Variants in GLI2 observed in about 807,000 individuals in gnomAD.
The protein encoded by GLI2 is transcription activator GLI2.
GLI2 carries 22 observed loss-of-function variants against 78.9 expected under a neutral mutation model. The observed-to-expected ratio is 0.28, with a 90% CI of 0.20 to 0.40. The LOEUF (loss-of-function observed/expected upper bound fraction) is 0.40. Ranked by LOEUF, GLI2 falls within the 10% of genes least tolerant of loss-of-function variation. The probability of loss-of-function intolerance (pLI) is 1.00; values close to 1 mark genes in which losing one functional copy is unlikely to be tolerated. For missense variants in GLI2, 2,097 were observed against 2,213.2 expected, an observed-to-expected ratio of 0.95 and a Z score of 1.05; for synonymous variants, 974 against 963.7, an observed-to-expected ratio of 1.01 and a Z score of -0.20.
intron 1 of GLI2, among the ~76,000 whole-genome samples, chr2:120,751,153 G>A (rs1170685045): frequency 2.0e-5 from 3 of 152,232 alleles, no homozygotes; most frequent in Non-Finnish European, 4.4e-5. Flanking sequence ...AGGACAGCTG[G>A]AAAGGGCCCC....
intron 3 of GLI2, among the ~76,000 whole-genome samples, chr2:120,942,224 T>A (rs1369041730): frequency 6.6e-6 from 1 of 152,076 alleles, no homozygotes; most frequent in Non-Finnish European, 1.5e-5. Flanking sequence ...CTTCAAACAA[T>A]AGAAATATGT....
At chr2:120,834,981 G>A (rs575421827) in intron 2 of GLI2, among the ~76,000 whole-genome samples, 2 of 152,250 alleles carry the variant, frequency 1.3e-5, no homozygotes, top group Admixed American at 6.5e-5. Context: ...GTTTGTGTGC[G>A]ACATTTGGGT....
At chr2:120,821,439 T>C (rs1353212623) in intron 2 of GLI2, among the ~76,000 whole-genome samples, 1 of 151,982 alleles carries the variant, frequency 6.6e-6, no homozygotes, top group Non-Finnish European at 1.5e-5. Flanking sequence ...CAGAGAAGGG[T>C]AGCTCAGCAT....
At chr2:120,938,341 T>C (rs1680293356) in intron 3 of GLI2, among the ~76,000 whole-genome samples, 1 of 152,204 alleles carries the variant, frequency 6.6e-6, no homozygotes, top group South Asian at 2.1e-4. Flanking sequence ...CCCCTTATCT[T>C]TTATGCTTTT....
At chr2:120,857,076 G>T (rs1352061527) in intron 2 of GLI2, among the ~76,000 whole-genome samples, 1 of 152,154 alleles carries the variant, frequency 6.6e-6, no homozygotes, top group South Asian at 2.1e-4. Context: ...AAAGACCAGG[G>T]GAAGGCTTAG....
At chr2:120,747,877 C>T (rs1275098714) in intron 1 of GLI2, among the ~76,000 whole-genome samples, 2 of 152,326 alleles carry the variant, frequency 1.3e-5, no homozygotes, top group East Asian at 1.9e-4. Flanking sequence ...CTTTTCTGTG[C>T]CTTGAATTTG....
intron 2 of GLI2, among the ~76,000 whole-genome samples, chr2:120,877,263 C>A (rs116390869): frequency 0.02 from 2,983 of 152,248 alleles, 97 homozygotes; most frequent in African/African-American, 0.067. Flanking sequence ...ATGCACAGAC[C>A]CTGGGTCACT....
In GLI2 at chr2:120,800,481, T is replaced by TATTATG. The variant is rs1431833332; in HGVS notation, c.148+3018_148+3019insGATTAT. On this transcript the variant is annotated intron_variant, in intron 2 of 13. Transcript: ENST00000361492. The surrounding 1 kb of genome is among the most constrained non-coding windows in gnomAD (Gnocchi z 4.1). The stretch of plus-strand genomic sequence containing the variant: ...CTGGCGGAAAGGGATGATTTATTAT[T>TATTATG]ATTATTATTATTTTATTTTTTATTT... 6.6e-6 allele frequency among the ~76,000 whole-genome samples: 1 copy of TATTATG among 150,858 alleles called. No homozygotes were observed. The highest frequency in any genetic ancestry group is 2.4e-5 in the African/African-American group (1 of 41,164).
chr2:120,810,231 G>T, intron 2 of GLI2, among the ~76,000 whole-genome samples: 1 of 152,328 alleles, frequency 6.6e-6, no homozygotes, highest in Middle Eastern at 3.4e-3. Context: ...AGTGCTACGC[G>T]GTGAGTATCT....
chr2:120,769,554 G>A (rs778930730), intron 1 of GLI2, among the ~76,000 whole-genome samples: 68 of 152,340 alleles, frequency 4.5e-4, no homozygotes, highest in Middle Eastern at 6.8e-3. Context: ...GACAATGAGG[G>A]TTTAACACTA....
At chr2:120,974,007 G>A (rs1682324997) in intron 8 of GLI2, among the ~76,000 whole-genome samples, 1 of 152,170 alleles carries the variant, frequency 6.6e-6, no homozygotes, top group Non-Finnish European at 1.5e-5. Context: ...TATGGGGCGA[G>A]GTCCTTCATC....
chr2:120,743,467 C>A (rs189185768), intron 1 of GLI2, among the ~76,000 whole-genome samples: 1 of 152,232 alleles, frequency 6.6e-6, no homozygotes, highest in Admixed American at 6.5e-5. Context: ...AAAAAGAAAT[C>A]ATCTTAAGAG....
In GLI2 at chr2:120,959,681, G is replaced by A. The variant is rs192697623; in HGVS notation, c.643+4251G>A. 3.9e-5 allele frequency among the ~76,000 whole-genome samples: 6 copies of A among 152,122 alleles called. No homozygotes were observed. The East Asian group carries it at 7.8e-4, about 20-fold the overall frequency. Reference sequence around the variant, plus strand: ...GGACCTGTCTGTGGGGTGTCCCCCGGCCCCTCCCCTCCCGTGAACCATGGG... The same window carrying A: ...GGACCTGTCTGTGGGGTGTCCCCCGACCCCTCCCCTCCCGTGAACCATGGG... On this transcript the variant is annotated intron_variant, in intron 5 of 13. Coordinates refer to ENST00000361492, the MANE Select transcript of GLI2 (RefSeq NM_001374353.1).
At chr2:120,746,877 C>A in intron 1 of GLI2, among the ~76,000 whole-genome samples, 1 of 152,044 alleles carries the variant, frequency 6.6e-6, no homozygotes, top group East Asian at 1.9e-4. Flanking sequence ...CTTGTAACTC[C>A]TTATTTATTT....
In GLI2 at chr2:120,895,662, C is replaced by T. The variant is rs939650752; in HGVS notation, c.149-31699C>T. Among the ~76,000 whole-genome samples the T allele has an allele frequency of 2.6e-5, 4 of 152,246 alleles. No homozygotes were observed. In the East Asian group the frequency reaches 5.8e-4, roughly 22 times the overall value. On this transcript the variant is annotated intron_variant, in intron 2 of 13. Transcript: ENST00000361492. ...AGGCTACAATGAACTGAGATTGCAC[C>T]ACTGCACTCCAGCCTGGGTGACAGA...
In GLI2 at chr2:120,927,406, A is replaced by G; in HGVS notation, c.194A>G (p.Asp65Gly). 1 of 1,613,972 alleles carries G rather than the reference A, an allele frequency of 6.2e-7. No individual in the cohort carries two copies. The highest frequency in any genetic ancestry group is 8.5e-7 in the Non-Finnish European group (1 of 1,179,910). The change falls in exon 3 of 14, where the codon GAC (aspartate) becomes GGC (glycine). Residue 65 changes from aspartate to glycine, a missense_variant. By Grantham distance (94) the Asp-to-Gly change is moderately conservative (BLOSUM62 -1). Transcript: ENST00000361492. ...CCATTCCATGCGCCCCTACCGATTG[A>G]CATGCGACACCAGGAAGGAAGGTAC... The part of the protein sequence containing the change: ...LPPFHAPLPI[D>G]MRHQEGRYHY...
chr2:120,959,989 G>T (rs1298577628), intron 5 of GLI2, among the ~76,000 whole-genome samples: 2 of 152,210 alleles, frequency 1.3e-5, no homozygotes, highest in Non-Finnish European at 2.9e-5. Context: ...GGCGCAGGGG[G>T]CCTGGAGAGC....
intron 2 of GLI2, among the ~76,000 whole-genome samples, chr2:120,910,290 C>CG (rs1391078693): frequency 6.6e-6 from 1 of 152,174 alleles, no homozygotes; most frequent in Non-Finnish European, 1.5e-5. Flanking sequence ...TCCCTTGGCA[C>CG]GGTCTGTCAG....
At chr2:120,768,583 C>A (rs1382368344) in intron 1 of GLI2, among the ~76,000 whole-genome samples, 1 of 152,214 alleles carries the variant, frequency 6.6e-6, no homozygotes, top group African/African-American at 2.4e-5. Flanking sequence ...GGGCACTCTG[C>A]GACCCTCTGA....
Sources: gnomAD v4.1 joint callset for allele counts (sites outside exome capture counted in the v4.1 genomes callset) on GRCh38, gnomAD v4.1.1 for gene constraint, Gnocchi (gnomAD v3.1) non-coding constraint, MANE v1.5 for transcripts, NCBI Gene and HGNC (gene_info 2026-07-23, HGNC 2026-07-21) for gene names.